Variants in SYNGR4 observed in about 807,000 individuals in gnomAD.
SYNGR4 encodes synaptogyrin 4, also known as synaptogyrin-4.
A neutral mutation model predicts 15.5 loss-of-function variants in SYNGR4; 15 were observed. The observed-to-expected ratio is 0.97, with a 90% CI of 0.65 to 1.49. The LOEUF is 1.49. Ranked by LOEUF, SYNGR4 falls within the 40% of genes most tolerant of loss-of-function variation. The pLI, the probability that SYNGR4 is intolerant of heterozygous loss-of-function variation, is 0.00. For missense variants in SYNGR4, 292 were observed against 299.3 expected (o/e 0.98, Z 0.18); for synonymous variants, 121 against 127.4 (o/e 0.95, Z 0.34).
chr19:48,369,591 G>T (rs2147404510), intron 2 of SYNGR4, among the ~76,000 whole-genome samples: 1 of 152,276 alleles, frequency 6.6e-6, no homozygotes, highest in East Asian at 1.9e-4. Flanking sequence ...GGAAACTGAG[G>T]CTCCAAGAGA....
chr19:48,375,059 T>C, intron 3 of SYNGR4, among the ~76,000 whole-genome samples: 1 of 142,816 alleles, frequency 7.0e-6, no homozygotes, highest in African/African-American at 2.6e-5. Context: ...AGAGTTGCGC[T>C]CTGTCGCCCA....
rs1600938978 is a variant in SYNGR4 at position 48,365,725 on chromosome 19, T to C, written c.-107-11T>C. 4 of 923,976 alleles carry C rather than the reference T, an allele frequency of 4.3e-6. No homozygotes were observed. 57.2% of individuals were successfully genotyped at this position (923,976 alleles called of 1,614,324 possible). On this transcript the variant is annotated splice_polypyrimidine_tract_variant and intron_variant, in intron 1 of 4. Transcript: ENST00000344846. Reference sequence around the variant, plus strand: ...CCCTGACTGGCATCCCCCATCTGTGTCATCCCACAGCAGCCAAGCCCAGGG... The same window carrying C: ...CCCTGACTGGCATCCCCCATCTGTGCCATCCCACAGCAGCCAAGCCCAGGG...
chr19:48,367,704 C>T (rs1004149174), intron 2 of SYNGR4, among the ~76,000 whole-genome samples: 9 of 152,222 alleles, frequency 5.9e-5, no homozygotes, highest in African/African-American at 1.9e-4. Context: ...ACCATGCCAC[C>T]GTTCATTTCA....
intron 2 of SYNGR4, among the ~76,000 whole-genome samples, chr19:48,367,547 A>G (rs145414457): frequency 6.6e-6 from 1 of 152,088 alleles, no homozygotes; most frequent in African/African-American, 2.4e-5. Context: ...TCAAACTCAG[A>G]TCTGTGAGAT....
At chr19:48,366,389 C>CAA (rs574008245) in intron 2 of SYNGR4, among the ~76,000 whole-genome samples, 9 of 109,800 alleles carry the variant, frequency 8.2e-5, no homozygotes, top group East Asian at 2.5e-4. Flanking sequence ...GACTCCATCT[C>CAA]AAAAAAAAAA....
At position 48,365,919 on chromosome 19, in the gene SYNGR4, CG is replaced by C; in HGVS notation, c.78del (p.Arg27GlyfsTer9). The C allele has an allele frequency of 6.2e-7, 1 of 1,613,714 alleles. No homozygotes were observed. Among genetic ancestry groups the C allele is most frequent in the Non-Finnish European group, 8.5e-7 (1 of 1,179,960 alleles). On this transcript the variant is annotated frameshift_variant, in exon 2 of 5. Coordinates refer to ENST00000344846, the MANE Select transcript of SYNGR4 (RefSeq NM_012451.4). LOFTEE classifies it high-confidence loss of function. The part of the protein sequence containing the change: ...VQFLRRPKTI[T>X]RVFEGVFSLI... ...TTTCTGAGAAGGCCCAAGACCATCA[CG>C]CGGGTCTTCGAAGGGGTGAGGCCCT...
At chr19:48,371,050 C>G (rs907191280) in intron 2 of SYNGR4, among the ~76,000 whole-genome samples, 2 of 152,200 alleles carry the variant, frequency 1.3e-5, no homozygotes, top group Non-Finnish European at 2.9e-5. Context: ...CTCCCCAAGT[C>G]CGGCTCCTGG....
chr19:48,364,560 C>G (rs934870126), intron 1 of SYNGR4, 23 bp downstream of exon 1: 1 of 152,234 alleles, frequency 6.6e-6, no homozygotes, highest in Admixed American at 6.5e-5. Flanking sequence ...CGGGGCGTGG[C>G]CTCATTCTGA....
At chr19:48,364,950 C>CCT (rs1191661745) in intron 1 of SYNGR4, among the ~76,000 whole-genome samples, 1 of 151,834 alleles carries the variant, frequency 6.6e-6, no homozygotes, top group East Asian at 1.9e-4. Context: ...CCCTGACAGC[C>CCT]CTCTCGCCCA....
chr19:48,369,832 G>A (rs1441126496), intron 2 of SYNGR4, among the ~76,000 whole-genome samples: 1 of 152,168 alleles, frequency 6.6e-6, no homozygotes. Flanking sequence ...CAGACCAGCA[G>A]GGCCAGACAC....
chr19:48,371,943 G>C (rs1970314509), intron 2 of SYNGR4, among the ~76,000 whole-genome samples: 1 of 150,258 alleles, frequency 6.7e-6, no homozygotes, highest in Non-Finnish European at 1.5e-5. Context: ...GCAGTGGCAT[G>C]ATCATGGCTC....
intron 1 of SYNGR4, among the ~76,000 whole-genome samples, chr19:48,365,060 G>GAAC (rs1970172208): frequency 8.1e-6 from 1 of 123,956 alleles, no homozygotes; most frequent in South Asian, 2.7e-4. Flanking sequence ...CTCACCCCAG[G>GAAC]CCCTCACCTC....
intron 1 of SYNGR4, among the ~76,000 whole-genome samples, chr19:48,365,142 C>T (rs1201097890): frequency 6.6e-6 from 1 of 150,896 alleles, no homozygotes; most frequent in Non-Finnish European, 1.5e-5. Flanking sequence ...TCTCATCCTG[C>T]ACCTCCACCT....
chr19:48,365,935 G>T lies in SYNGR4; in HGVS notation c.93G>T (p.Gly31=). The T allele has an allele frequency of 6.2e-7, 1 of 1,613,362 alleles. No individual in the cohort carries two copies. Among genetic ancestry groups the T allele is most frequent in the Non-Finnish European group, 8.5e-7 (1 of 1,179,886 alleles). ...AGACCATCACGCGGGTCTTCGAAGG[G>T]GTGAGGCCCTCCCATGGCCCGACTG... The part of the protein sequence containing the change: ...RPKTITRVFE[G]VFSLIVFSSL... The change falls in exon 2 of 5, where the codon GGG becomes GGT. Residue 31 remains glycine, a splice_region_variant and synonymous_variant. Transcript: ENST00000344846.
Position 48,376,368 on chromosome 19 carries a change from TC to T in SYNGR4, c.*51del, listed in dbSNP as rs750989849. The T allele has an allele frequency of 1.3e-6, 2 of 1,583,638 alleles. No individual in the cohort carries two copies. Among genetic ancestry groups the T allele is most frequent in the Non-Finnish European group, 1.7e-6 (2 of 1,166,954 alleles). On this transcript the variant is annotated 3_prime_UTR_variant, in exon 5 of 5. Coordinates refer to ENST00000344846, the MANE Select transcript of SYNGR4 (RefSeq NM_012451.4). Reference sequence around the variant, plus strand: ...AGAGAATCCTCCCTCCAGAAGGGTTTCTAAAAACAGCCCTCAGTCCTTCTCA... The same window carrying T: ...AGAGAATCCTCCCTCCAGAAGGGTTTTAAAAACAGCCCTCAGTCCTTCTCA...
At chr19:48,369,000 G>A (rs1316765196) in intron 2 of SYNGR4, among the ~76,000 whole-genome samples, 2 of 152,206 alleles carry the variant, frequency 1.3e-5, no homozygotes, top group African/African-American at 2.4e-5. Context: ...AAGGCAGGGC[G>A]GGTGGCAAGG....
Position 48,376,131 on chromosome 19 carries a change from C to T in SYNGR4, c.518C>T (p.Pro173Leu). 1 of 1,614,102 alleles carries T rather than the reference C, an allele frequency of 6.2e-7. No individual in the cohort carries two copies. The highest frequency in any genetic ancestry group is 8.5e-7 in the Non-Finnish European group (1 of 1,180,014). Reference protein sequence around the residue: ...LAFQDLRNDAPVPYKRFLDEG... With the variant: ...LAFQDLRNDALVPYKRFLDEG... ...TTCCAGGACCTCCGAAATGATGCTC[C>T]AGTCCCTTACAAGCGCTTCCTGGAT... is the stretch of plus-strand genomic sequence containing the variant. Residue 173 changes from proline to leucine, a missense_variant, in exon 5 of 5, where the codon CCA becomes CTA. Pro to Leu is a moderately conservative substitution (Grantham distance 98, BLOSUM62 -3). Transcript: ENST00000344846.
In SYNGR4 at chr19:48,373,322, G is replaced by A. The variant is rs555510775; in HGVS notation, c.94-195G>A. The A allele has an allele frequency of 1.5e-4, 90 of 602,372 alleles. No individual in the cohort carries two copies. In the African/African-American group the frequency reaches 1.6e-3, roughly 11 times the overall value. The allele number at this position is 602,372 out of a possible 1,614,324, so 37.3% of individuals were successfully genotyped here. Reference sequence around the variant, plus strand: ...GGGGCAAGGGCCAAGGAGAGCAGACGAGGCCTGAGCCAGGATGGAGCAGAG... The same window carrying A: ...GGGGCAAGGGCCAAGGAGAGCAGACAAGGCCTGAGCCAGGATGGAGCAGAG... On this transcript the variant is annotated intron_variant, in intron 2 of 4. Coordinates refer to ENST00000344846, the MANE Select transcript of SYNGR4 (RefSeq NM_012451.4).
intron 2 of SYNGR4, 36 bp downstream of exon 2, chr19:48,365,971 T>C: frequency 6.2e-7 from 1 of 1,604,086 alleles, no homozygotes; most frequent in Non-Finnish European, 8.5e-7. Context: ...TGCCCCTGGG[T>C]GACAGGAGCC....
Sources: gnomAD v4.1 joint callset for allele counts (sites outside exome capture counted in the v4.1 genomes callset) on GRCh38, gnomAD v4.1.1 for gene constraint, MANE v1.5 for transcripts, NCBI Gene and HGNC (gene_info 2026-07-23, HGNC 2026-07-21) for gene names.